Variants in SYNDIG1 observed in about 807,000 individuals in gnomAD.
The protein encoded by SYNDIG1 is synapse differentiation-inducing gene protein 1.
A neutral mutation model predicts 19.4 loss-of-function variants in SYNDIG1; 9 were observed. The ratio of observed to expected loss-of-function variants is 0.46; its 90% CI spans 0.28 to 0.81. The LOEUF (loss-of-function observed/expected upper bound fraction) is 0.81, where lower values mean the gene tolerates loss of function less well. SYNDIG1 is among the 30% of genes least tolerant of loss of function. The probability of loss-of-function intolerance (pLI) is 0.12; values close to 1 mark genes in which losing one functional copy is unlikely to be tolerated. For synonymous variants in SYNDIG1, 141 were observed against 145.9 expected (o/e 0.97, Z 0.24); for missense variants, 311 against 343.3 (o/e 0.91, Z 0.74).
intron 1 of SYNDIG1, among the ~76,000 whole-genome samples, chr20:24,521,861 C>G (rs1005672387): frequency 6.7e-6 from 1 of 148,602 alleles, no homozygotes; most frequent in Admixed American, 6.8e-5. Flanking sequence ...GATTGCGCCA[C>G]TGCACTCCAG....
intron 3 of SYNDIG1, among the ~76,000 whole-genome samples, chr20:24,596,323 A>G (rs1364012061): frequency 2.6e-5 from 4 of 152,012 alleles, no homozygotes; most frequent in African/African-American, 9.7e-5. Context: ...ATGTGTATTT[A>G]TGTGTTTATT....
intron 2 of SYNDIG1, among the ~76,000 whole-genome samples, chr20:24,563,692 C>T (rs976576194): frequency 6.6e-6 from 1 of 152,196 alleles, no homozygotes; most frequent in African/African-American, 2.4e-5. Flanking sequence ...GCCTTGACCT[C>T]CCAGACTCAA....
intron 3 of SYNDIG1, among the ~76,000 whole-genome samples, chr20:24,647,279 G>A (rs559442339): frequency 6.6e-6 from 1 of 152,298 alleles, no homozygotes; most frequent in African/African-American, 2.4e-5. Context: ...CACACAGGCA[G>A]GGCAGGGTAC....
rs568751355 is a variant in SYNDIG1 at position 24,643,107 on chromosome 20, A to G, written c.619-22239A>G. ...TATATATATATCCATCTGTATCTGT[A>G]TTAAGCTAAATGTGAGTTCATACTG... On this transcript the variant is annotated intron_variant, in intron 3 of 3. Transcript: ENST00000376862. Among the ~76,000 whole-genome samples the G allele has an allele frequency of 7.2e-5, 11 of 152,298 alleles. No homozygotes were observed. The East Asian group carries it at 2.1e-3, about 29-fold the overall frequency.
At chr20:24,661,146 G>A (rs753122199) in intron 3 of SYNDIG1, among the ~76,000 whole-genome samples, 1 of 152,188 alleles carries the variant, frequency 6.6e-6, no homozygotes, top group East Asian at 1.9e-4. Flanking sequence ...AATTTGTTCT[G>A]CTCTCTTGTT....
intron 1 of SYNDIG1, among the ~76,000 whole-genome samples, chr20:24,474,160 TTA>T (rs2055551161): frequency 6.6e-6 from 1 of 152,246 alleles, no homozygotes; most frequent in African/African-American, 2.4e-5. Flanking sequence ...TAGATTCATA[TTA>T]TGTTATAAAA....
chr20:24,626,941 C>T (rs975147596), intron 3 of SYNDIG1, among the ~76,000 whole-genome samples: 1 of 152,186 alleles, frequency 6.6e-6, no homozygotes, highest in South Asian at 2.1e-4. Context: ...TCAGGCGTGG[C>T]GGCGCGCGCC....
At chr20:24,526,393 A>G (rs2057124232) in intron 1 of SYNDIG1, among the ~76,000 whole-genome samples, 1 of 152,008 alleles carries the variant, frequency 6.6e-6, no homozygotes, top group South Asian at 2.1e-4. Flanking sequence ...AAATGTTTCC[A>G]TTCATTTGGT....
At chr20:24,590,605 C>A (rs1167198286) in intron 3 of SYNDIG1, among the ~76,000 whole-genome samples, 1 of 152,058 alleles carries the variant, frequency 6.6e-6, no homozygotes, top group Admixed American at 6.5e-5. Context: ...GGGTGAATGA[C>A]CCCTGGGCTT....
intron 2 of SYNDIG1, among the ~76,000 whole-genome samples, chr20:24,584,273 G>A (rs74777926): frequency 0.011 from 1,717 of 152,328 alleles, 10 homozygotes; most frequent in Middle Eastern, 0.017. Context: ...TCAGTTCAGA[G>A]TCAAGAGAAA....
At chr20:24,661,141 G>A (rs554352949) in intron 3 of SYNDIG1, among the ~76,000 whole-genome samples, 343 of 152,320 alleles carry the variant, frequency 2.3e-3, no homozygotes, top group Middle Eastern at 0.017. Flanking sequence ...ATCTAAATTT[G>A]TTCTGCTCTC....
At chr20:24,542,587 A>G (rs113344228) in intron 1 of SYNDIG1, among the ~76,000 whole-genome samples, 1 of 152,226 alleles carries the variant, frequency 6.6e-6, no homozygotes, top group African/African-American at 2.4e-5. Flanking sequence ...GATTATTGCA[A>G]TCACATAATT....
At chr20:24,636,436 A>G (rs148727966) in intron 3 of SYNDIG1, among the ~76,000 whole-genome samples, 83 of 152,354 alleles carry the variant, frequency 5.4e-4, no homozygotes, top group African/African-American at 1.9e-3. Context: ...ATGGCAAAGT[A>G]CATGGGGTTT....
intron 1 of SYNDIG1, among the ~76,000 whole-genome samples, chr20:24,488,087 T>A (rs1240297759): frequency 2.0e-5 from 3 of 152,180 alleles, no homozygotes; most frequent in Admixed American, 2.0e-4. Context: ...GGGTGATTGG[T>A]TACACAACAA....
At chr20:24,618,135 G>C (rs538774779) in intron 3 of SYNDIG1, among the ~76,000 whole-genome samples, 1 of 146,064 alleles carries the variant, frequency 6.8e-6, no homozygotes, top group Non-Finnish European at 1.5e-5. Flanking sequence ...GGGTCCTGAG[G>C]GAGAGCCCAG....
At chr20:24,610,775 G>A (rs554493811) in intron 3 of SYNDIG1, among the ~76,000 whole-genome samples, 4 of 152,310 alleles carry the variant, frequency 2.6e-5, no homozygotes, top group African/African-American at 7.2e-5. Context: ...ACCAGGCACT[G>A]TGTATTTGCC....
intron 3 of SYNDIG1, among the ~76,000 whole-genome samples, chr20:24,590,229 C>T (rs2058485027): frequency 6.6e-6 from 1 of 151,518 alleles, no homozygotes; most frequent in Admixed American, 6.6e-5. Context: ...ACAGAGAGGC[C>T]TGCAGTGCCG....
chr20:24,476,696 A>C (rs1357295893), intron 1 of SYNDIG1, among the ~76,000 whole-genome samples: 1 of 152,082 alleles, frequency 6.6e-6, no homozygotes, highest in Non-Finnish European at 1.5e-5. Flanking sequence ...ACAAACAAAA[A>C]AAACAAAAAA....
At chr20:24,616,010 CT>C (rs1296399009) in intron 3 of SYNDIG1, among the ~76,000 whole-genome samples, 1 of 152,178 alleles carries the variant, frequency 6.6e-6, no homozygotes, top group African/African-American at 2.4e-5. Context: ...TTTGTTGTGA[CT>C]TTGCACCAGG....
Sources: allele counts gnomAD v4.1 joint callset (sites outside exome capture counted in the v4.1 genomes callset), GRCh38; gene constraint gnomAD v4.1.1; transcripts MANE v1.5; gene names NCBI Gene and HGNC (gene_info 2026-07-23, HGNC 2026-07-21).